RBFOX1: variants seen among roughly 807,000 people sequenced by gnomAD.
RBFOX1 encodes the protein RNA binding protein fox-1 homolog 1.
Under a neutral mutation model 57.7 loss-of-function variants are expected in RBFOX1, and 8 were observed. The observed-to-expected ratio is 0.14, with a 90% CI of 0.08 to 0.25. The LOEUF is 0.25. Among genes scored for constraint, RBFOX1 ranks in the 10% least tolerant of loss-of-function variants. The pLI is 1.00. For synonymous variants in RBFOX1, 326 were observed against 222.4 expected (o/e 1.47, Z -4.15); for missense variants, 611 against 548.5 (o/e 1.11, Z -1.14).
intron 1 of RBFOX1, among the ~76,000 whole-genome samples, chr16:5,402,585 G>T (rs1454810404): frequency 6.6e-6 from 1 of 152,148 alleles, no homozygotes; most frequent in Non-Finnish European, 1.5e-5. Context: ...CTTTTCAGTT[G>T]ATTCCCTTGG....
chr16:6,348,522 G>C (rs1187577509), intron 2 of RBFOX1, among the ~76,000 whole-genome samples: 1 of 152,020 alleles, frequency 6.6e-6, no homozygotes, highest in Non-Finnish European at 1.5e-5. Flanking sequence ...ACCTGAGACG[G>C]GGTAATTTAT....
intron 2 of RBFOX1, among the ~76,000 whole-genome samples, chr16:6,440,206 A>G (rs1408927039): frequency 4.6e-5 from 7 of 151,832 alleles, no homozygotes; most frequent in African/African-American, 1.7e-4. Flanking sequence ...AAGTGCTGGG[A>G]TTACAGGCGT....
chr16:6,581,151 G>C (rs2097531936), intron 2 of RBFOX1, among the ~76,000 whole-genome samples: 1 of 152,132 alleles, frequency 6.6e-6, no homozygotes, highest in Non-Finnish European at 1.5e-5. Flanking sequence ...GACAACCAGA[G>C]TCTAATGAGT....
chr16:7,122,803 G>C (rs2067495592), intron 4 of RBFOX1, among the ~76,000 whole-genome samples: 1 of 152,126 alleles, frequency 6.6e-6, no homozygotes, highest in Non-Finnish European at 1.5e-5. Flanking sequence ...CTAGAAACAA[G>C]CCATATGTCT....
intron 3 of RBFOX1, among the ~76,000 whole-genome samples, chr16:6,880,502 G>A (rs1272451262): frequency 1.3e-5 from 2 of 152,324 alleles, no homozygotes; most frequent in South Asian, 2.1e-4. Flanking sequence ...AGCTGGGCCA[G>A]GTAGAGAGAT....
intron 4 of RBFOX1, among the ~76,000 whole-genome samples, chr16:5,982,181 A>G (rs2060187813): frequency 6.6e-6 from 1 of 152,038 alleles, no homozygotes; most frequent in Admixed American, 6.6e-5. Flanking sequence ...TACTACCTTT[A>G]CCCAAGCATG....
intron 3 of RBFOX1, among the ~76,000 whole-genome samples, chr16:6,988,088 A>G (rs879889134): frequency 2.0e-5 from 3 of 152,014 alleles, no homozygotes; most frequent in South Asian, 2.1e-4. Flanking sequence ...GGTAAAACCA[A>G]GAATCAAATG....
intron 3 of RBFOX1, among the ~76,000 whole-genome samples, chr16:6,897,852 C>T (rs2067338850): frequency 6.6e-6 from 1 of 152,144 alleles, no homozygotes; most frequent in Non-Finnish European, 1.5e-5. Context: ...AGTTTCTGAG[C>T]TTATCATCCA....
At chr16:6,499,138 G>T (rs1049101836) in intron 2 of RBFOX1, among the ~76,000 whole-genome samples, 1 of 152,302 alleles carries the variant, frequency 6.6e-6, no homozygotes, top group Middle Eastern at 3.4e-3. Context: ...GGCAGCCTTT[G>T]TTTACTGTGG....
intron 3 of RBFOX1, among the ~76,000 whole-genome samples, chr16:5,743,983 C>G (rs2151599002): frequency 6.6e-6 from 1 of 152,306 alleles, no homozygotes; most frequent in East Asian, 1.9e-4. Context: ...TGCATCCTTT[C>G]CCTTCAAAGG....
intron 3 of RBFOX1, among the ~76,000 whole-genome samples, chr16:5,756,041 T>A (rs1263255203): frequency 6.6e-6 from 1 of 152,016 alleles, no homozygotes; most frequent in Admixed American, 6.6e-5. Flanking sequence ...TGGAAAGCCA[T>A]GAGAAATTCT....
At chr16:7,537,776 C>A (rs1454092371) in intron 5 of RBFOX1, among the ~76,000 whole-genome samples, 1 of 152,130 alleles carries the variant, frequency 6.6e-6, no homozygotes, top group Non-Finnish European at 1.5e-5. Context: ...AACCCCGCCT[C>A]CACCCCAGTG....
At chr16:6,716,284 CT>C (rs1786793227) in intron 3 of RBFOX1, among the ~76,000 whole-genome samples, 1 of 152,162 alleles carries the variant, frequency 6.6e-6, no homozygotes, top group Non-Finnish European at 1.5e-5. Flanking sequence ...GCCATCGTTG[CT>C]TTTCATAAAC....
chr16:7,649,602 C>G (rs775050021), intron 11 of RBFOX1, among the ~76,000 whole-genome samples: 8 of 152,110 alleles, frequency 5.3e-5, no homozygotes, highest in Non-Finnish European at 1.2e-4. Context: ...GTACACAGGA[C>G]AGTGTTATAG....
intron 2 of RBFOX1, among the ~76,000 whole-genome samples, chr16:6,594,951 G>T (rs1192008546): frequency 6.6e-6 from 1 of 152,030 alleles, no homozygotes; most frequent in African/African-American, 2.4e-5. Context: ...ACCACACCGG[G>T]CTAATTTTTG....
At chr16:7,117,259 T>G (rs2066118228) in intron 4 of RBFOX1, among the ~76,000 whole-genome samples, 2 of 152,144 alleles carry the variant, frequency 1.3e-5, no homozygotes, top group African/African-American at 4.8e-5. Flanking sequence ...ACTGATCGTT[T>G]CATTGTACGA....
intron 4 of RBFOX1, among the ~76,000 whole-genome samples, chr16:7,283,530 C>A (rs577343256): frequency 6.6e-6 from 1 of 152,126 alleles, no homozygotes; most frequent in East Asian, 2.0e-4. Flanking sequence ...CATAACACCT[C>A]CCCTCTGTGT....
At chr16:6,607,722 T>C (rs537321956) in intron 2 of RBFOX1, among the ~76,000 whole-genome samples, 3 of 152,172 alleles carry the variant, frequency 2.0e-5, no homozygotes, top group Non-Finnish European at 2.9e-5. Context: ...ATAATTATTT[T>C]AGAATTTTGT....
chr16:5,538,022 T>A (rs2044769031), intron 2 of RBFOX1, among the ~76,000 whole-genome samples: 1 of 152,062 alleles, frequency 6.6e-6, no homozygotes, highest in Non-Finnish European at 1.5e-5. Context: ...AGAGATACCA[T>A]GAATTTCTCC....
Sources: allele counts gnomAD v4.1 joint callset (sites outside exome capture counted in the v4.1 genomes callset), GRCh38; gene constraint gnomAD v4.1.1; transcripts MANE v1.5; gene names NCBI Gene and HGNC (gene_info 2026-07-23, HGNC 2026-07-21).